SLC7A9: variants seen among roughly 807,000 people sequenced by gnomAD.
SLC7A9 encodes B(0,+)-type amino acid transporter 1.
In SLC7A9, 38 loss-of-function variants were observed where a neutral mutation model predicts 54.1. The observed-to-expected ratio is 0.70, with a 90% CI of 0.54 to 0.92. The LOEUF (loss-of-function observed/expected upper bound fraction) is 0.92, where lower values mean the gene tolerates loss of function less well. SLC7A9 is among the 40% of genes least tolerant of loss of function. The pLI is 0.00. For synonymous variants in SLC7A9, 264 were observed against 258.9 expected (o/e 1.02, Z -0.19); for missense variants, 537 against 636.1 (o/e 0.84, Z 1.68).
At chr19:32,855,956 C>G (rs1260412065) in intron 9 of SLC7A9, among the ~76,000 whole-genome samples, 1 of 152,098 alleles carries the variant, frequency 6.6e-6, no homozygotes, top group Admixed American at 6.6e-5. Context: ...CCTGTACCAC[C>G]AGCCCAGATA....
intron 11 of SLC7A9, among the ~76,000 whole-genome samples, chr19:32,835,364 G>A (rs1967926202): frequency 6.6e-6 from 1 of 151,990 alleles, no homozygotes; most frequent in Non-Finnish European, 1.5e-5. Flanking sequence ...AAAGGAGAAA[G>A]CACAAACACA....
intron 8 of SLC7A9, among the ~76,000 whole-genome samples, chr19:32,859,190 C>G (rs1411678705): frequency 6.6e-6 from 1 of 152,078 alleles, no homozygotes; most frequent in South Asian, 2.1e-4. Flanking sequence ...GCCTCAATCT[C>G]CTGGGCTCAA....
At chr19:32,866,195 ACT>A (rs1968967041) in intron 2 of SLC7A9, among the ~76,000 whole-genome samples, 1 of 151,542 alleles carries the variant, frequency 6.6e-6, no homozygotes, top group Non-Finnish European at 1.5e-5. Flanking sequence ...CACCCTGAGG[ACT>A]CTGCACACAC....
In SLC7A9 at chr19:32,843,948, G is replaced by A; in HGVS notation, c.981C>T (p.Leu327=). The change falls in exon 10 of 13, where the codon CTC becomes CTT. Residue 327 remains leucine (L), a synonymous_variant. Transcript: ENST00000023064. Reference sequence around the variant, plus strand: ...GACCCTCCCGGCCCGCCACGTAAATGAGTCTGGAAAATAACGACACGGGAG... The same window carrying A: ...GACCCTCCCGGCCCGCCACGTAAATAAGTCTGGAAAATAACGACACGGGAG... ...ANGTCFTAGR[L]IYVAGREGHM... 6.2e-7 allele frequency: 1 copy of A among 1,612,614 alleles called. No homozygotes were observed. The highest frequency in any genetic ancestry group is 8.5e-7 in the Non-Finnish European group (1 of 1,179,106).
At position 32,845,444 on chromosome 19, in the gene SLC7A9, G is replaced by A. The variant is rs184695315; in HGVS notation, c.978-1493C>T. ...TGGGAAGCGGAGGTTGCAGTGAGCC[G>A]AGATCTCACCATTGCACTCCAGACT... On this transcript the variant is annotated intron_variant, in intron 9 of 12. Transcript: ENST00000023064. 9.3e-4 allele frequency among the ~76,000 whole-genome samples: 141 copies of A among 150,956 alleles called. 1 individual carries two copies. The highest frequency in any genetic ancestry group is 1.5e-3 in the South Asian group (7 of 4,750).
intron 9 of SLC7A9, among the ~76,000 whole-genome samples, chr19:32,855,528 T>G (rs970969715): frequency 1.3e-5 from 2 of 151,856 alleles, no homozygotes; most frequent in South Asian, 2.1e-4. Flanking sequence ...TGAAACCCCA[T>G]CTCTACTAAA....
chr19:32,855,121 G>A (rs544074662), intron 9 of SLC7A9, among the ~76,000 whole-genome samples: 1 of 152,306 alleles, frequency 6.6e-6, no homozygotes, highest in Non-Finnish European at 1.5e-5. Flanking sequence ...CGACTCTAAA[G>A]AGAATGGAAT....
At chr19:32,869,028 GC>G (rs1969061501) in intron 1 of SLC7A9, among the ~76,000 whole-genome samples, 1 of 149,270 alleles carries the variant, frequency 6.7e-6, no homozygotes, top group African/African-American at 2.5e-5. Context: ...GGCTAACATG[GC>G]GAACCCCGTC....
chr19:32,835,888 ACT>A (rs1967940818), intron 11 of SLC7A9, among the ~76,000 whole-genome samples: 1 of 141,270 alleles, frequency 7.1e-6, no homozygotes, highest in African/African-American at 2.8e-5. Context: ...GAATTTATGT[ACT>A]GTGTGTGTGT....
chr19:32,857,183 G>T (rs569508831), intron 9 of SLC7A9, among the ~76,000 whole-genome samples: 1 of 152,150 alleles, frequency 6.6e-6, no homozygotes, highest in Admixed American at 6.5e-5. Flanking sequence ...GATAGCTCAT[G>T]CCTGTAATTC....
At chr19:32,855,539 A>G (rs1201285089) in intron 9 of SLC7A9, among the ~76,000 whole-genome samples, 3 of 152,006 alleles carry the variant, frequency 2.0e-5, no homozygotes, top group African/African-American at 4.8e-5. Flanking sequence ...CTCTACTAAA[A>G]ATACAAAAAA....
At chr19:32,846,423 G>T (rs1968297336) in intron 9 of SLC7A9, among the ~76,000 whole-genome samples, 1 of 152,236 alleles carries the variant, frequency 6.6e-6, no homozygotes, top group Non-Finnish European at 1.5e-5. Flanking sequence ...CTGATGGCTA[G>T]CACAGCAGTC....
chr19:32,865,113 G>A (rs115570591), intron 2 of SLC7A9, among the ~76,000 whole-genome samples: 3 of 152,230 alleles, frequency 2.0e-5, no homozygotes, highest in African/African-American at 7.2e-5. Flanking sequence ...GTGCCTAACC[G>A]TGATCCTGTG....
At chr19:32,850,309 A>T (rs1968432130) in intron 9 of SLC7A9, among the ~76,000 whole-genome samples, 1 of 148,808 alleles carries the variant, frequency 6.7e-6, no homozygotes, top group Non-Finnish European at 1.5e-5. Context: ...AAATCTCCTT[A>T]AGCTGATAAG....
intron 2 of SLC7A9, among the ~76,000 whole-genome samples, chr19:32,865,153 G>C (rs1968931008): frequency 6.6e-6 from 1 of 152,174 alleles, no homozygotes; most frequent in Non-Finnish European, 1.5e-5. Flanking sequence ...CTTGGCAACA[G>C]CTCACCAATA....
At chr19:32,856,084 T>C (rs1469834170) in intron 9 of SLC7A9, among the ~76,000 whole-genome samples, 1 of 152,046 alleles carries the variant, frequency 6.6e-6, no homozygotes, top group South Asian at 2.1e-4. Flanking sequence ...AGGGGAAATG[T>C]TGGTCAAAGG....
intron 8 of SLC7A9, among the ~76,000 whole-genome samples, chr19:32,858,957 T>G (rs1968713639): frequency 6.6e-6 from 1 of 151,758 alleles, no homozygotes; most frequent in South Asian, 2.1e-4. Context: ...TTCAGCTAAT[T>G]TTTGTATTTT....
intron 10 of SLC7A9, among the ~76,000 whole-genome samples, chr19:32,843,034 AGTAGTG>A (rs1485063477): frequency 6.6e-6 from 1 of 151,930 alleles, no homozygotes; most frequent in Non-Finnish European, 1.5e-5. Flanking sequence ...AATGATAGAG[AGTAGTG>A]GTTCTCCTCT....
rs755331994 is a variant in SLC7A9 at position 32,860,618 on chromosome 19, C to A, written c.737G>T (p.Arg246Ile). ...NQLNYITEEL[R>I]NPYRNLPLAI... Reference sequence around the variant, plus strand: ...ATTCAGCTGTTACCTGTAAGGGTTTCTAAGTTCTTCTGTGATGTAATTGAG... The same window carrying A: ...ATTCAGCTGTTACCTGTAAGGGTTTATAAGTTCTTCTGTGATGTAATTGAG... The change falls in exon 7 of 13, where the codon AGA (arginine) becomes ATA (isoleucine). Residue 246 changes from arginine (R) to isoleucine (I), a missense_variant. Arg to Ile is a moderately conservative substitution (Grantham distance 97, BLOSUM62 -3). Transcript: ENST00000023064. The A allele has an allele frequency of 1.4e-5, 22 of 1,614,142 alleles. No homozygotes were observed. Among genetic ancestry groups the A allele is most frequent in the Middle Eastern group, 3.3e-4 (2 of 6,062 alleles).
Sources: gnomAD v4.1 joint callset for allele counts (sites outside exome capture counted in the v4.1 genomes callset) on GRCh38, gnomAD v4.1.1 for gene constraint, MANE v1.5 for transcripts, NCBI Gene and HGNC (gene_info 2026-07-23, HGNC 2026-07-21) for gene names.